The following DLEC1 variants were observed in gnomAD, a reference collection of about 807,000 sequenced individuals.
DLEC1 encodes the protein DLEC1 cilia and flagella associated protein, also known as deleted in lung and esophageal cancer protein 1.
DLEC1 carries 146 observed loss-of-function variants against 198.1 expected under a neutral mutation model. The ratio of observed to expected loss-of-function variants is 0.74; its 90% CI spans 0.64 to 0.85. The LOEUF is 0.85. DLEC1 is among the 40% of genes least tolerant of loss of function. DLEC1 has a pLI of 0.00. For missense variants in DLEC1, 2,233 were observed against 2,220.0 expected, an observed-to-expected ratio of 1.01 and a Z score of -0.12; for synonymous variants, 897 against 866.8, an observed-to-expected ratio of 1.03 and a Z score of -0.61.
At chr3:38,078,478 A>G (rs1425803393) in intron 6 of DLEC1, among the ~76,000 whole-genome samples, 1 of 152,136 alleles carries the variant, frequency 6.6e-6, no homozygotes, top group Non-Finnish European at 1.5e-5. Flanking sequence ...CATGCCTAGG[A>G]AGGAAAGGAG....
At chr3:38,042,731 A>G (rs1700715944) in intron 1 of DLEC1, among the ~76,000 whole-genome samples, 1 of 151,750 alleles carries the variant, frequency 6.6e-6, no homozygotes, top group Admixed American at 6.6e-5. Context: ...AATTTTTTGT[A>G]TTTTTAGTAA....
chr3:38,122,469 G>C lies in DLEC1; in HGVS notation c.*57G>C, dbSNP rs1439668376. 1 of 1,613,562 alleles carries C rather than the reference G, an allele frequency of 6.2e-7. No individual in the cohort carries two copies. Among genetic ancestry groups the C allele is most frequent in the African/African-American group, 1.3e-5 (1 of 74,918 alleles). Reference sequence around the variant, plus strand: ...AGCTGGAGAAAAAACATTGCCCAGGGATTAGGAGCAGCTCTTCAGCACAAA... The same window carrying C: ...AGCTGGAGAAAAAACATTGCCCAGGCATTAGGAGCAGCTCTTCAGCACAAA... On this transcript the variant is annotated 3_prime_UTR_variant, in exon 37 of 37. Transcript: ENST00000308059.
intron 6 of DLEC1, among the ~76,000 whole-genome samples, chr3:38,079,855 A>C (rs1697867626): frequency 6.6e-6 from 1 of 152,094 alleles, no homozygotes; most frequent in Non-Finnish European, 1.5e-5. Context: ...GAGGCAAGGA[A>C]TTGCAACTTT....
chr3:38,120,668 G>C lies in DLEC1; in HGVS notation c.4866+59G>C, dbSNP rs545109522. 76 of 1,603,554 alleles carry C rather than the reference G, an allele frequency of 4.7e-5. 3 individuals are homozygous for C. In the South Asian group the frequency reaches 8.2e-4, roughly 17 times the overall value. ...GTGGAAGTGGGCTGGGCTGTGTTCT[G>C]CTGGGGCCAGAGGAGGAAAGACCTA... On this transcript the variant is annotated intron_variant, in intron 34 of 36. Transcript: ENST00000308059.
At chr3:38,063,390 G>C (rs1165191133) in intron 5 of DLEC1, among the ~76,000 whole-genome samples, 2 of 152,152 alleles carry the variant, frequency 1.3e-5, no homozygotes, top group Non-Finnish European at 2.9e-5. Context: ...CTGAGCACAG[G>C]GGTGTCGAGG....
chr3:38,109,299 C>A, intron 21 of DLEC1, 133 bp from the exon 22 acceptor site: 1 of 1,331,962 alleles, frequency 7.5e-7, no homozygotes, highest in Non-Finnish European at 1.0e-6. Flanking sequence ...TGGCTGGGCT[C>A]ACTGGAGGGA....
At chr3:38,067,946 G>GT (rs1409786910) in intron 6 of DLEC1, among the ~76,000 whole-genome samples, 4 of 151,822 alleles carry the variant, frequency 2.6e-5, no homozygotes, top group African/African-American at 9.7e-5. Context: ...TAGAGAGAGG[G>GT]TTTTGCCATG....
At chr3:38,053,217 CT>C (rs1448735521) in intron 2 of DLEC1, among the ~76,000 whole-genome samples, 1 of 152,236 alleles carries the variant, frequency 6.6e-6, no homozygotes, top group Non-Finnish European at 1.5e-5. Context: ...GCCACCCCAT[CT>C]GGGAAGTGAG....
rs764797475 is a variant in DLEC1, at chr3:38,122,203, C to T, written c.5144+9C>T. On this transcript the variant is annotated intron_variant, in intron 36 of 36. Coordinates refer to ENST00000308059, the MANE Select transcript of DLEC1 (RefSeq NM_007335.4). ...GTTTTCTTCACTGCCAGGTGCAGCC[C>T]CTTCCAACCTTCCCCAAACTGCCCA... 2 of 1,612,564 alleles carry T rather than the reference C, an allele frequency of 1.2e-6. No homozygotes were observed. The highest frequency in any genetic ancestry group is 2.7e-5 in the African/African-American group (2 of 75,028).
At position 38,063,887 on chromosome 3, in the gene DLEC1, T is replaced by C. The variant is rs759741718; in HGVS notation, c.1141T>C (p.Phe381Leu). 3 of 1,613,572 alleles carry C rather than the reference T, an allele frequency of 1.9e-6. No homozygotes were observed. The highest frequency in any genetic ancestry group is 2.2e-5 in the South Asian group (2 of 91,022). ...VFLAKPPIGF[F>L]TDYEIGPVYE... ...TCTAGCTAAGCCACCAATTGGGTTT[T>C]TCACAGATTATGAAATTGGTCCAGT... The change falls in exon 6 of 37, where the codon TTC (phenylalanine) becomes CTC (leucine). Residue 381 changes from phenylalanine (F) to leucine (L), a missense_variant. Phe to Leu is a conservative substitution (Grantham distance 22, BLOSUM62 0). Transcript: ENST00000308059.
Position 38,088,321 on chromosome 3 carries a change from A to G in DLEC1, c.1598A>G (p.Glu533Gly), listed in dbSNP as rs1698570166. The G allele has an allele frequency of 6.2e-7, 1 of 1,613,970 alleles. No individual in the cohort carries two copies. The highest frequency in any genetic ancestry group is 1.3e-5 in the African/African-American group (1 of 74,936). The change falls in exon 10 of 37, where the codon GAA (glutamate) becomes GGA (glycine). Residue 533 changes from glutamate (E) to glycine (G), a missense_variant. Transcript: ENST00000308059. Reference sequence around the variant, plus strand: ...GCCATTGCAACCGTCGGCTTTGTTGAACAACCTCCTTTTGGAATCCTGCCT... The same window carrying G: ...GCCATTGCAACCGTCGGCTTTGTTGGACAACCTCCTTTTGGAATCCTGCCT... The part of the protein sequence containing the change: ...FKAIATVGFV[E>G]QPPFGILPSV...
intron 36 of DLEC1, 40 bp downstream of exon 36, chr3:38,122,234 C>T: frequency 1.2e-6 from 2 of 1,608,884 alleles, no homozygotes; most frequent in Non-Finnish European, 8.5e-7. Context: ...GCCCACAGAG[C>T]CTGGACCCCC....
At chr3:38,092,767 G>A (rs202094856) in intron 10 of DLEC1, 23 bp from the exon 11 acceptor site, 24 of 1,611,640 alleles carry the variant, frequency 1.5e-5, no homozygotes, top group South Asian at 5.5e-5. Flanking sequence ...GGGAGGTAAC[G>A]GAACAACCCT....
At chr3:38,110,424 G>A (rs1699804786) in intron 23 of DLEC1, 143 bp downstream of exon 23, 5 of 1,068,134 alleles carry the variant, frequency 4.7e-6, no homozygotes, top group South Asian at 3.0e-5. Flanking sequence ...CATGGGGACA[G>A]GCAGAGAGGA....
chr3:38,086,435 C>G (rs1293491118), intron 9 of DLEC1, 58 bp downstream of exon 9: 1 of 1,557,386 alleles, frequency 6.4e-7, no homozygotes, highest in Non-Finnish European at 8.7e-7. Context: ...GGAAATAACC[C>G]CCAGAGGAAC....
chr3:38,039,703 C>A (rs936049899), intron 1 of DLEC1, 67 bp downstream of exon 1: 4 of 1,510,580 alleles, frequency 2.6e-6, no homozygotes, highest in Middle Eastern at 1.9e-4. Context: ...CGCGTCAGCA[C>A]CTGCCAGGTG....
intron 2 of DLEC1, among the ~76,000 whole-genome samples, chr3:38,053,936 G>T (rs1696191314): frequency 6.6e-6 from 1 of 152,102 alleles, no homozygotes; most frequent in South Asian, 2.1e-4. Flanking sequence ...TTTCCACTCA[G>T]GGTTAAATGG....
Position 38,045,681 on chromosome 3 carries a change from A to G in DLEC1, c.550A>G (p.Arg184Gly), listed in dbSNP as rs963545314. 3 of 1,612,424 alleles carry G rather than the reference A, an allele frequency of 1.9e-6. No homozygotes were observed. The African/African-American group carries it at 4.0e-5, about 22-fold the overall frequency. ...AGTACAGGACCTCGAGAGCCTTGTC[A>G]GGTTGCCTCCAGGTGTGTATAAAGA... ...AGVQDLESLV[R>G]LPPVKSVSRW... The change falls in exon 2 of 37, where the codon AGG (arginine) becomes GGG (glycine). Residue 184 changes from arginine to glycine, a missense_variant. Coordinates refer to ENST00000308059, the MANE Select transcript of DLEC1 (RefSeq NM_007335.4).
At chr3:38,093,827 A>G (rs2125691725) in intron 12 of DLEC1, 60 bp downstream of exon 12, 1 of 1,593,612 alleles carries the variant, frequency 6.3e-7, no homozygotes, top group African/African-American at 1.3e-5. Flanking sequence ...CCTGGCCCTC[A>G]GTCCCAGTGA....
Sources: allele counts gnomAD v4.1 joint callset (sites outside exome capture counted in the v4.1 genomes callset), GRCh38; gene constraint gnomAD v4.1.1; transcripts MANE v1.5; gene names NCBI Gene and HGNC (gene_info 2026-07-23, HGNC 2026-07-21).